PCDHGA10: variants seen among roughly 807,000 people sequenced by gnomAD.
PCDHGA10 encodes protocadherin gamma subfamily A, 10.
PCDHGA10 carries 42 observed loss-of-function variants against 59.5 expected under a neutral mutation model. The ratio of observed to expected loss-of-function variants is 0.71; its 90% CI spans 0.55 to 0.91. PCDHGA10 has a LOEUF of 0.91. Among genes scored for constraint, PCDHGA10 ranks in the 40% least tolerant of loss-of-function variants. The probability of loss-of-function intolerance (pLI) is 0.00; values close to 1 mark genes in which losing one functional copy is unlikely to be tolerated. For synonymous variants in PCDHGA10, 511 were observed against 517.2 expected, an observed-to-expected ratio of 0.99 and a Z score of 0.16; for missense variants, 1,111 against 1,198.2, an observed-to-expected ratio of 0.93 and a Z score of 1.07.
At position 141,432,851 on chromosome 5, in the gene PCDHGA10, G is replaced by T. The variant is rs561153330; in HGVS notation, c.2436+17240G>T. 8 of 1,614,198 alleles carry T rather than the reference G, an allele frequency of 5.0e-6. No homozygotes were observed. In the African/African-American group the frequency reaches 9.3e-5, roughly 19 times the overall value. ...CACTCTGTACCTGGTGGTAGCGGTG[G>T]CCGCGGTCTCCTGCGTCTTCCTGGC... On this transcript the variant is annotated intron_variant, in intron 1 of 3. Transcript: ENST00000398610. This position sits in a 1 kb window ranked among gnomAD's most constrained non-coding sequence, Gnocchi z 6.0.
At chr5:141,437,986 C>T (rs2097921856) in intron 1 of PCDHGA10, among the ~76,000 whole-genome samples, 1 of 152,096 alleles carries the variant, frequency 6.6e-6, no homozygotes, top group African/African-American at 2.4e-5. Context: ...TGCACCCACC[C>T]CACCTCAGCC....
At chr5:141,503,363 G>A (rs2099819478) in intron 2 of PCDHGA10, among the ~76,000 whole-genome samples, 2 of 152,132 alleles carry the variant, frequency 1.3e-5, no homozygotes, top group East Asian at 1.9e-4. Context: ...TTGGGAAGCG[G>A]AGGCAGGTGG....
Position 141,489,138 on chromosome 5 carries a change from T to C in PCDHGA10, c.2437-5669T>C. 1.4e-6 allele frequency: 1 copy of C among 738,808 alleles called. No homozygotes were observed. The highest frequency in any genetic ancestry group is 3.0e-5 in the Admixed American group (1 of 33,014). The allele number at this position is 738,808 out of a possible 1,614,324, so 45.8% of individuals were successfully genotyped here. On this transcript the variant is annotated intron_variant, in intron 1 of 3. Transcript: ENST00000398610. This position sits in a 1 kb window ranked among gnomAD's most constrained non-coding sequence, Gnocchi z 4.5. ...AACCTCCGAGCAGTTTTTAAGAGGC[T>C]GGAAGGAGACATAAGAGACTTCAGC...
intron 1 of PCDHGA10, among the ~76,000 whole-genome samples, chr5:141,458,009 G>T (rs1039110082): frequency 2.6e-5 from 4 of 152,142 alleles, no homozygotes; most frequent in Non-Finnish European, 4.4e-5. Context: ...AAAATAACCG[G>T]TTTTTCCAAT....
intron 1 of PCDHGA10, among the ~76,000 whole-genome samples, chr5:141,437,929 G>A (rs1479763331): frequency 6.6e-6 from 1 of 151,960 alleles, no homozygotes; most frequent in East Asian, 1.9e-4. Context: ...GTAGAGATGG[G>A]GTTTCACCAT....
intron 1 of PCDHGA10, among the ~76,000 whole-genome samples, chr5:141,465,824 T>A (rs1447359333): frequency 6.6e-6 from 1 of 152,076 alleles, no homozygotes; most frequent in Non-Finnish European, 1.5e-5. Context: ...ATCACATTTG[T>A]TTAAAATTTC....
chr5:141,438,288 G>C (rs752722248), intron 1 of PCDHGA10, among the ~76,000 whole-genome samples: 18 of 151,902 alleles, frequency 1.2e-4, no homozygotes, highest in Non-Finnish European at 2.1e-4. Flanking sequence ...AATTTAATCT[G>C]TATGTAAAAG....
intron 1 of PCDHGA10, chr5:141,422,945 C>T (rs13188215): frequency 6.2e-7 from 1 of 1,614,134 alleles, no homozygotes; most frequent in Non-Finnish European, 8.5e-7. Context: ...ACAGACGGCT[C>T]CACTGGCGTG....
At position 141,493,262 on chromosome 5, in the gene PCDHGA10, A is replaced by G. The variant is rs148431133; in HGVS notation, c.2437-1545A>G. ...GGTACTAACATGCCTCTCTTATAAC[A>G]GCTTCACAGAGGTCAAGTGACTTGC... is the stretch of plus-strand genomic sequence containing the variant. On this transcript the variant is annotated intron_variant, in intron 1 of 3. Transcript: ENST00000398610. This position sits in a 1 kb window ranked among gnomAD's most constrained non-coding sequence, Gnocchi z 4.3. 5.1e-4 allele frequency among the ~76,000 whole-genome samples: 78 copies of G among 152,302 alleles called. No homozygotes were observed. Among genetic ancestry groups the G allele is most frequent in the African/African-American group, 1.7e-3 (72 of 41,574 alleles).
In PCDHGA10 at chr5:141,511,532, T is replaced by G. The variant is rs548369303; in HGVS notation, c.*359T>G. Reference sequence around the variant, plus strand: ...GCCCATCCATCCCATGCCTCCCTCCTCCCCACCCCACTCCAACAGTTCCTC... The same window carrying G: ...GCCCATCCATCCCATGCCTCCCTCCGCCCCACCCCACTCCAACAGTTCCTC... On this transcript the variant is annotated 3_prime_UTR_variant, in exon 4 of 4. Transcript: ENST00000398610. 3.6e-5 allele frequency: 12 copies of G among 335,506 alleles called. No homozygotes were observed. In the East Asian group the frequency reaches 8.0e-4, roughly 22 times the overall value. The allele number at this position is 335,506 out of a possible 1,614,324, so 20.8% of individuals were successfully genotyped here. A position where few individuals can be genotyped will look rare whatever the true frequency, so the allele number is the denominator to read the frequency against.
chr5:141,462,011 C>T (rs567038580), intron 1 of PCDHGA10, among the ~76,000 whole-genome samples: 32 of 152,182 alleles, frequency 2.1e-4, no homozygotes, highest in Admixed American at 5.9e-4. Flanking sequence ...TTAATAGAGA[C>T]GGGGTTTCTT....
At chr5:141,503,133 C>A (rs1164077875) in intron 2 of PCDHGA10, among the ~76,000 whole-genome samples, 1 of 152,002 alleles carries the variant, frequency 6.6e-6, no homozygotes, top group Non-Finnish European at 1.5e-5. Context: ...CTGGTAGCCC[C>A]TGACACAGCC....
intron 1 of PCDHGA10, 41 bp from the exon 2 acceptor site, chr5:141,494,766 C>T (rs1017994327): frequency 6.2e-7 from 1 of 1,614,038 alleles, no homozygotes; most frequent in Non-Finnish European, 8.5e-7. Flanking sequence ...ATTCTAACTT[C>T]TCACGGGTAC....
intron 1 of PCDHGA10, chr5:141,422,273 C>T: frequency 6.4e-7 from 1 of 1,560,808 alleles, no homozygotes; most frequent in Non-Finnish European, 8.6e-7. Flanking sequence ...CCAGAAATAA[C>T]TATCACCTCT....
At chr5:141,445,895 A>C (rs930350527) in intron 1 of PCDHGA10, among the ~76,000 whole-genome samples, 1 of 152,212 alleles carries the variant, frequency 6.6e-6, no homozygotes, top group Admixed American at 6.5e-5. Context: ...GGAGCTATTA[A>C]AATATTTTAA....
chr5:141,420,186 C>A, intron 1 of PCDHGA10: 1 of 1,613,696 alleles, frequency 6.2e-7, no homozygotes, highest in Non-Finnish European at 8.5e-7. Context: ...CATTGTCCAG[C>A]CACACAAGAT....
intron 2 of PCDHGA10, among the ~76,000 whole-genome samples, chr5:141,503,458 G>A (rs948221006): frequency 2.0e-5 from 3 of 152,018 alleles, no homozygotes; most frequent in Non-Finnish European, 4.4e-5. Flanking sequence ...CGCTGGGCAT[G>A]GTGGCATGTG....
At chr5:141,422,716 G>T (rs1348237465) in intron 1 of PCDHGA10, 1 of 1,604,378 alleles carries the variant, frequency 6.2e-7, no homozygotes, top group African/African-American at 1.3e-5. Context: ...GGATGACACT[G>T]TCCAGGGGGT....
rs762138055 is a variant in PCDHGA10, at chr5:141,490,757, T to C, written c.2437-4050T>C. 6.2e-7 allele frequency: 1 copy of C among 1,613,918 alleles called. No homozygotes were observed. The highest frequency in any genetic ancestry group is 2.2e-5 in the East Asian group (1 of 44,892). On this transcript the variant is annotated intron_variant, in intron 1 of 3. Coordinates refer to ENST00000398610, the MANE Select transcript of PCDHGA10 (RefSeq NM_018913.3). The surrounding 1 kb of genome is among the most constrained non-coding windows in gnomAD (Gnocchi z 5.4). ...GTTCAGGGAGCCCCAGCCTCCTCCT[T>C]TGTGTATGTCAACCCAGAGGATGGA...
Sources: allele counts gnomAD v4.1 joint callset (sites outside exome capture counted in the v4.1 genomes callset), GRCh38; gene constraint gnomAD v4.1.1; non-coding constraint Gnocchi (gnomAD v3.1); transcripts MANE v1.5; gene names NCBI Gene and HGNC (gene_info 2026-07-23, HGNC 2026-07-21).